NEK11: variants seen among roughly 807,000 people sequenced by gnomAD.
NEK11 encodes serine/threonine-protein kinase Nek11.
NEK11 carries 72 observed loss-of-function variants against 80.7 expected under a neutral mutation model. That is an observed-to-expected ratio of 0.89 (90% CI 0.74 to 1.08). The LOEUF (loss-of-function observed/expected upper bound fraction) is 1.08, where lower values mean the gene tolerates loss of function less well. NEK11 is among the 50% of genes least tolerant of loss of function. The probability of loss-of-function intolerance (pLI) is 0.00; values close to 1 mark genes in which losing one functional copy is unlikely to be tolerated. For missense variants in NEK11, 764 were observed against 763.6 expected (o/e 1.00, Z -0.01); for synonymous variants, 251 against 260.7 (o/e 0.96, Z 0.36).
intron 4 of NEK11, among the ~76,000 whole-genome samples, chr3:131,100,900 T>C (rs2078271104): frequency 6.6e-6 from 1 of 152,106 alleles, no homozygotes; most frequent in African/African-American, 2.4e-5. Context: ...GGTTTTATTA[T>C]TATTATTATT....
At chr3:131,133,649 T>C (rs1027883889) in intron 6 of NEK11, among the ~76,000 whole-genome samples, 181 bp from the exon 7 acceptor site, 1 of 152,218 alleles carries the variant, frequency 6.6e-6, no homozygotes, top group African/African-American at 2.4e-5. Flanking sequence ...ATAAAACTTA[T>C]GTTTTTAAAA....
intron 14 of NEK11, among the ~76,000 whole-genome samples, chr3:131,226,014 A>C (rs1254957236): frequency 1.3e-5 from 2 of 152,212 alleles, no homozygotes; most frequent in African/African-American, 2.4e-5. Context: ...ATGGGAGAGC[A>C]AGAGGGAAAA....
At chr3:131,134,138 C>A in intron 7 of NEK11, 182 bp downstream of exon 7, 1 of 494,472 alleles carries the variant, frequency 2.0e-6, no homozygotes, top group Non-Finnish European at 3.2e-6. Flanking sequence ...AAACTAGTTT[C>A]AAAAATTCTT....
intron 7 of NEK11, among the ~76,000 whole-genome samples, chr3:131,139,861 A>G (rs988761715): frequency 6.6e-6 from 1 of 152,190 alleles, no homozygotes; most frequent in Non-Finnish European, 1.5e-5. Flanking sequence ...TTCAAATTCC[A>G]GGATTGGGCA....
intron 14 of NEK11, among the ~76,000 whole-genome samples, chr3:131,203,804 TATATATATATATATATATATATA>T (rs2094353654): frequency 3.5e-5 from 1 of 28,502 alleles, no homozygotes; most frequent in African/African-American, 1.7e-4. Context: ...TATATATATA[TATATATATATATATATATATATA>T]AAGTTTTCAC....
intron 16 of NEK11, among the ~76,000 whole-genome samples, chr3:131,256,386 G>A (rs1219560791): frequency 2.6e-5 from 4 of 152,056 alleles, no homozygotes. Flanking sequence ...AGAGATTTAA[G>A]AAATTAATTT....
chr3:131,141,232 T>C (rs2086827039), intron 7 of NEK11, among the ~76,000 whole-genome samples: 1 of 152,110 alleles, frequency 6.6e-6, no homozygotes, highest in Admixed American at 6.6e-5. Context: ...ATAAACAAAC[T>C]GCTGTATACT....
At chr3:131,212,753 C>A (rs1035542585) in intron 14 of NEK11, among the ~76,000 whole-genome samples, 1 of 152,212 alleles carries the variant, frequency 6.6e-6, no homozygotes, top group South Asian at 2.1e-4. Flanking sequence ...CAACTTTATT[C>A]TCTGTCAGAT....
At chr3:131,296,304 A>G (rs2096592746) in intron 17 of NEK11, among the ~76,000 whole-genome samples, 1 of 152,202 alleles carries the variant, frequency 6.6e-6, no homozygotes, top group Non-Finnish European at 1.5e-5. Context: ...ACATGCACAC[A>G]TAAGCATACA....
chr3:131,283,662 T>C (rs533360959), intron 17 of NEK11, among the ~76,000 whole-genome samples: 72 of 152,294 alleles, frequency 4.7e-4, no homozygotes, highest in Non-Finnish European at 8.2e-4. Flanking sequence ...GATGCAGTGA[T>C]GGTTCTTTTC....
At chr3:131,030,098 G>A (rs1364983275) in intron 3 of NEK11, among the ~76,000 whole-genome samples, 1 of 152,236 alleles carries the variant, frequency 6.6e-6, no homozygotes, top group South Asian at 2.1e-4. Flanking sequence ...AAATTAGCCA[G>A]GCAGGGTGGT....
intron 4 of NEK11, among the ~76,000 whole-genome samples, chr3:131,105,622 C>T (rs2079064016): frequency 6.6e-6 from 1 of 152,124 alleles, no homozygotes; most frequent in Non-Finnish European, 1.5e-5. Context: ...GGAGTGAGTG[C>T]AAGCAGGGGA....
At chr3:131,190,070 A>G (rs890166866) in intron 14 of NEK11, among the ~76,000 whole-genome samples, 2 of 152,206 alleles carry the variant, frequency 1.3e-5, no homozygotes, top group African/African-American at 2.4e-5. Context: ...GTATAGATCC[A>G]TAAATATTTA....
intron 16 of NEK11, among the ~76,000 whole-genome samples, chr3:131,271,524 G>T (rs1165464590): frequency 6.6e-6 from 1 of 152,186 alleles, no homozygotes; most frequent in Non-Finnish European, 1.5e-5. Flanking sequence ...GCCAGTCGGG[G>T]TGGCTCACGC....
At chr3:131,286,458 G>A (rs1000526729) in intron 17 of NEK11, among the ~76,000 whole-genome samples, 3 of 152,146 alleles carry the variant, frequency 2.0e-5, no homozygotes, top group Non-Finnish European at 4.4e-5. Context: ...TTGTAGTAAA[G>A]TGTACTTTTC....
chr3:131,124,409 C>T (rs2082931245), intron 5 of NEK11, among the ~76,000 whole-genome samples: 1 of 152,132 alleles, frequency 6.6e-6, no homozygotes, highest in Non-Finnish European at 1.5e-5. Flanking sequence ...GAACAGATAT[C>T]CCTGGTGATG....
At chr3:131,071,843 A>G (rs1488796942) in intron 3 of NEK11, among the ~76,000 whole-genome samples, 1 of 152,172 alleles carries the variant, frequency 6.6e-6, no homozygotes, top group Non-Finnish European at 1.5e-5. Flanking sequence ...TGTTTAAATT[A>G]GTAGACTCAT....
chr3:131,296,569 CAAGG>C (rs2096595316), intron 17 of NEK11, among the ~76,000 whole-genome samples: 1 of 152,078 alleles, frequency 6.6e-6, no homozygotes, highest in Admixed American at 6.6e-5. Flanking sequence ...GATAATTTCT[CAAGG>C]AACAAAATTC....
intron 3 of NEK11, among the ~76,000 whole-genome samples, chr3:131,031,350 G>A (rs2064818327): frequency 6.6e-6 from 1 of 152,114 alleles, no homozygotes; most frequent in Non-Finnish European, 1.5e-5. Context: ...TGCTCTTCTA[G>A]CCATTTAGAA....
Sources: allele counts gnomAD v4.1 joint callset (sites outside exome capture counted in the v4.1 genomes callset), GRCh38; gene constraint gnomAD v4.1.1; transcripts MANE v1.5; gene names NCBI Gene and HGNC (gene_info 2026-07-23, HGNC 2026-07-21).